The following LRP1B variants were observed in gnomAD, a reference collection of about 807,000 sequenced individuals.
LRP1B encodes LDL receptor related protein 1B, also known as low-density lipoprotein receptor-related protein 1B.
LRP1B carries 217 observed loss-of-function variants against 556.6 expected under a neutral mutation model. The ratio of observed to expected loss-of-function variants is 0.39; its 90% confidence interval spans 0.35 to 0.44. The LOEUF (loss-of-function observed/expected upper bound fraction) is 0.44. LRP1B is among the 20% of genes least tolerant of loss of function. LRP1B has a pLI of 1.00. For missense variants in LRP1B, 5,053 were observed against 5,620.8 expected (o/e 0.90, Z 3.23); for synonymous variants, 2,047 against 1,865.8 (o/e 1.10, Z -2.50).
At chr2:141,584,987 G>A (rs80039081) in intron 2 of LRP1B, among the ~76,000 whole-genome samples, 3,761 of 151,838 alleles carry the variant, frequency 0.025, 150 homozygotes, top group African/African-American at 0.087. Flanking sequence ...CAAAAAATGT[G>A]AATATATTTA....
At chr2:140,477,070 A>T (rs989778397) in intron 59 of LRP1B, among the ~76,000 whole-genome samples, 6 of 152,192 alleles carry the variant, frequency 3.9e-5, no homozygotes, top group South Asian at 2.1e-4. Context: ...ACAATTCAGT[A>T]CTTTCCAATA....
chr2:141,264,656 T>C (rs1240013776), intron 3 of LRP1B, among the ~76,000 whole-genome samples: 1 of 152,148 alleles, frequency 6.6e-6, no homozygotes, highest in Non-Finnish European at 1.5e-5. Context: ...GGTTTCACCA[T>C]GTTGGCCAGG....
chr2:141,409,212 A>C (rs1366198755), intron 3 of LRP1B, among the ~76,000 whole-genome samples: 2 of 152,200 alleles, frequency 1.3e-5, no homozygotes, highest in Non-Finnish European at 2.9e-5. Context: ...AAGTTATATA[A>C]ACTCATCTCT....
At chr2:141,293,070 AT>A (rs1398060022) in intron 3 of LRP1B, among the ~76,000 whole-genome samples, 3 of 152,174 alleles carry the variant, frequency 2.0e-5, no homozygotes, top group African/African-American at 7.2e-5. Flanking sequence ...TCTTCTAAAA[AT>A]TTAAGTCTAC....
chr2:140,693,983 C>T (rs564240652), intron 41 of LRP1B, among the ~76,000 whole-genome samples: 3 of 152,218 alleles, frequency 2.0e-5, no homozygotes, highest in African/African-American at 7.2e-5. Flanking sequence ...GCCGGGATTA[C>T]AGGCATGAGC....
intron 3 of LRP1B, among the ~76,000 whole-genome samples, chr2:141,321,332 T>A (rs1317742788): frequency 6.6e-6 from 1 of 152,088 alleles, no homozygotes; most frequent in Non-Finnish European, 1.5e-5. Context: ...AGGCACAGCT[T>A]TAATCAAGAG....
At chr2:141,209,039 T>C (rs908357403) in intron 6 of LRP1B, among the ~76,000 whole-genome samples, 12 of 152,026 alleles carry the variant, frequency 7.9e-5, no homozygotes, top group African/African-American at 2.9e-4. Context: ...ACACTCATAT[T>C]ACATCCTTAG....
intron 31 of LRP1B, among the ~76,000 whole-genome samples, chr2:140,829,137 A>G (rs1691628996): frequency 6.6e-6 from 1 of 152,170 alleles, no homozygotes; most frequent in Admixed American, 6.5e-5. Context: ...TAAAGCAAAT[A>G]TTAATAAATC....
intron 3 of LRP1B, among the ~76,000 whole-genome samples, chr2:141,460,557 T>C (rs1681826576): frequency 6.6e-6 from 1 of 152,172 alleles, no homozygotes; most frequent in Non-Finnish European, 1.5e-5. Context: ...AGTAATGCTA[T>C]GTCCTGATAT....
chr2:141,401,128 A>G (rs1408977182), intron 3 of LRP1B, among the ~76,000 whole-genome samples: 1 of 152,220 alleles, frequency 6.6e-6, no homozygotes, highest in Non-Finnish European at 1.5e-5. Flanking sequence ...AAAAAGTGGC[A>G]AAATATTCCC....
intron 2 of LRP1B, among the ~76,000 whole-genome samples, chr2:141,515,043 C>T (rs2105160046): frequency 6.6e-6 from 1 of 152,298 alleles, no homozygotes; most frequent in African/African-American, 2.4e-5. Context: ...TGGCTCACGC[C>T]TGTAATCCCA....
At chr2:141,157,141 TA>T (rs1171391582) in intron 7 of LRP1B, among the ~76,000 whole-genome samples, 1 of 152,132 alleles carries the variant, frequency 6.6e-6, no homozygotes, top group Admixed American at 6.6e-5. Flanking sequence ...AATATGGATA[TA>T]AAAAGTATGT....
At chr2:141,472,261 A>G (rs1682502732) in intron 3 of LRP1B, among the ~76,000 whole-genome samples, 1 of 152,200 alleles carries the variant, frequency 6.6e-6, no homozygotes, top group Non-Finnish European at 1.5e-5. Context: ...CCTATTTAAA[A>G]TTGGCCGGAC....
chr2:140,678,120 C>A (rs1043933035), intron 41 of LRP1B, among the ~76,000 whole-genome samples: 5 of 152,006 alleles, frequency 3.3e-5, no homozygotes, highest in African/African-American at 9.7e-5. Flanking sequence ...TCATGATACT[C>A]CAATGAACCC....
chr2:140,996,519 A>T (rs1184647979), intron 15 of LRP1B, among the ~76,000 whole-genome samples: 1 of 152,056 alleles, frequency 6.6e-6, no homozygotes, highest in East Asian at 1.9e-4. Flanking sequence ...GAGCTTCTTG[A>T]ATGTAGAAAG....
intron 7 of LRP1B, among the ~76,000 whole-genome samples, chr2:141,074,725 A>C (rs1699743225): frequency 6.6e-6 from 1 of 151,398 alleles, no homozygotes; most frequent in Admixed American, 6.6e-5. Context: ...CTCAGACTTG[A>C]AGTTAGGTTA....
chr2:141,275,338 G>A (rs1415144825), intron 3 of LRP1B, among the ~76,000 whole-genome samples: 3 of 152,180 alleles, frequency 2.0e-5, no homozygotes, highest in African/African-American at 7.2e-5. Flanking sequence ...AGAGTATGGG[G>A]GAGAATTCTA....
chr2:141,577,854 CT>C (rs2105274196), intron 2 of LRP1B, among the ~76,000 whole-genome samples: 1 of 152,302 alleles, frequency 6.6e-6, no homozygotes, highest in Admixed American at 6.5e-5. Flanking sequence ...TATTATATCA[CT>C]GTCATGCTTA....
At chr2:141,464,397 T>A (rs915969619) in intron 3 of LRP1B, among the ~76,000 whole-genome samples, 6 of 150,004 alleles carry the variant, frequency 4.0e-5, no homozygotes, top group African/African-American at 1.5e-4. Context: ...GCATTCTATC[T>A]GATATGTTGT....
Sources: allele counts gnomAD v4.1 joint callset (sites outside exome capture counted in the v4.1 genomes callset), GRCh38; gene constraint gnomAD v4.1.1; transcripts MANE v1.5; gene names NCBI Gene and HGNC (gene_info 2026-07-23, HGNC 2026-07-21).